The following MAN2A1 variants were observed in gnomAD, a reference collection of about 807,000 sequenced individuals.
The protein encoded by MAN2A1 is alpha-mannosidase 2.
MAN2A1 carries 76 observed loss-of-function variants against 142.6 expected under a neutral mutation model. The observed-to-expected ratio is 0.53, with a 90% CI of 0.44 to 0.65. MAN2A1 has a LOEUF of 0.65. Among genes scored for constraint, MAN2A1 ranks in the 30% least tolerant of loss-of-function variants. The pLI, the probability that MAN2A1 is intolerant of heterozygous loss-of-function variation, is 0.00. For synonymous variants in MAN2A1, 559 were observed against 473.2 expected, an observed-to-expected ratio of 1.18 and a Z score of -2.35; for missense variants, 1,311 against 1,365.1, an observed-to-expected ratio of 0.96 and a Z score of 0.62.
intron 4 of MAN2A1, among the ~76,000 whole-genome samples, chr5:109,736,527 G>GT (rs971107086): frequency 7.2e-5 from 11 of 151,778 alleles, no homozygotes; most frequent in African/African-American, 1.9e-4. Flanking sequence ...TAAAAAAAAA[G>GT]TTTTTTTTAG....
At chr5:109,798,184 C>T (rs1753913842) in intron 12 of MAN2A1, among the ~76,000 whole-genome samples, 1 of 152,176 alleles carries the variant, frequency 6.6e-6, no homozygotes, top group Non-Finnish European at 1.5e-5. Context: ...GGATCTGCAG[C>T]TTCAGGTTAT....
At chr5:109,720,753 C>A (rs1050171654) in intron 3 of MAN2A1, among the ~76,000 whole-genome samples, 4 of 152,306 alleles carry the variant, frequency 2.6e-5, no homozygotes, top group African/African-American at 7.2e-5. Context: ...TCAAAGCCGT[C>A]CTGGGCCACA....
In MAN2A1 at chr5:109,855,970, A is replaced by G. The variant is rs188166283; in HGVS notation, c.3171+636A>G. Among the ~76,000 whole-genome samples, 6 of 152,316 alleles carry G rather than the reference A, an allele frequency of 3.9e-5. No homozygotes were observed. In the East Asian group the frequency reaches 1.2e-3, roughly 29 times the overall value. On this transcript the variant is annotated intron_variant, in intron 20 of 21. Coordinates refer to ENST00000261483, the MANE Select transcript of MAN2A1 (RefSeq NM_002372.4). ...TGACATAGATTTAGCTGGAAATAGT[A>G]AGTGGTTATGGATTCTGTGGAAAAT...
chr5:109,707,119 C>T (rs1466561254), intron 1 of MAN2A1, among the ~76,000 whole-genome samples: 1 of 152,190 alleles, frequency 6.6e-6, no homozygotes, highest in African/African-American at 2.4e-5. Context: ...ATATTGTATT[C>T]TATTCACCAG....
At chr5:109,729,534 G>T (rs768355943) in intron 4 of MAN2A1, 21 bp downstream of exon 4, 4 of 1,368,720 alleles carry the variant, frequency 2.9e-6, no homozygotes. Context: ...AAACTTTTTT[G>T]GAATTTGGTA....
chr5:109,699,244 A>G (rs564644318), intron 1 of MAN2A1, among the ~76,000 whole-genome samples: 3 of 152,202 alleles, frequency 2.0e-5, no homozygotes, highest in Admixed American at 2.0e-4. Flanking sequence ...TCCCTCAGCC[A>G]TCAGTTTTTT....
At chr5:109,794,998 G>A (rs143407570) in intron 12 of MAN2A1, among the ~76,000 whole-genome samples, 1 of 152,030 alleles carries the variant, frequency 6.6e-6, no homozygotes, top group South Asian at 2.1e-4. Context: ...AGACTGAATG[G>A]AATATGTTAT....
At chr5:109,775,983 T>C (rs1002567944) in intron 8 of MAN2A1, among the ~76,000 whole-genome samples, 133 of 152,148 alleles carry the variant, frequency 8.7e-4, no homozygotes, top group African/African-American at 3.1e-3. Context: ...GCGGAGAATG[T>C]ATAATGATCA....
intron 13 of MAN2A1, among the ~76,000 whole-genome samples, chr5:109,819,108 C>T (rs954751208): frequency 1.3e-5 from 2 of 152,086 alleles, no homozygotes; most frequent in Non-Finnish European, 1.5e-5. Flanking sequence ...TTCTATTTTT[C>T]GCTTTCAGTA....
intron 5 of MAN2A1, 110 bp from the exon 6 acceptor site, chr5:109,767,425 T>C: frequency 1.2e-6 from 1 of 818,580 alleles, no homozygotes; most frequent in Non-Finnish European, 1.9e-6. Context: ...AGATCCTTGG[T>C]CTGATATCTC....
chr5:109,731,434 A>G (rs745404014), intron 4 of MAN2A1, among the ~76,000 whole-genome samples: 1 of 151,422 alleles, frequency 6.6e-6, no homozygotes, highest in South Asian at 2.1e-4. Context: ...ATATGTATAC[A>G]TGTGCTATGC....
At chr5:109,752,654 T>C (rs1477334639) in intron 4 of MAN2A1, among the ~76,000 whole-genome samples, 2 of 152,150 alleles carry the variant, frequency 1.3e-5, no homozygotes, top group East Asian at 1.9e-4. Flanking sequence ...ATCTCTGAGC[T>C]GAGCTATGAG....
intron 16 of MAN2A1, among the ~76,000 whole-genome samples, chr5:109,841,655 T>C (rs1250855570): frequency 6.6e-6 from 1 of 152,180 alleles, no homozygotes; most frequent in African/African-American, 2.4e-5. Flanking sequence ...TTAGGGACTT[T>C]TTAAAGCTGT....
chr5:109,794,560 C>G (rs1432088399), intron 12 of MAN2A1, among the ~76,000 whole-genome samples: 1 of 152,094 alleles, frequency 6.6e-6, no homozygotes, highest in Non-Finnish European at 1.5e-5. Flanking sequence ...CCTGGACCCT[C>G]TCCAGCTTCT....
At chr5:109,852,253 A>C (rs1755502753) in intron 19 of MAN2A1, among the ~76,000 whole-genome samples, 1 of 151,766 alleles carries the variant, frequency 6.6e-6, no homozygotes, top group African/African-American at 2.4e-5. Context: ...GTTATGATTC[A>C]ATGTATTATT....
intron 4 of MAN2A1, among the ~76,000 whole-genome samples, chr5:109,730,774 C>A (rs1319744791): frequency 6.6e-6 from 1 of 152,150 alleles, no homozygotes; most frequent in Non-Finnish European, 1.5e-5. Flanking sequence ...TTGTTTTACA[C>A]ATAAGGACAC....
At chr5:109,790,786 G>A (rs1017371684) in intron 12 of MAN2A1, among the ~76,000 whole-genome samples, 3 of 151,886 alleles carry the variant, frequency 2.0e-5, no homozygotes, top group Non-Finnish European at 2.9e-5. Context: ...CTTTGTTTTT[G>A]CTGGTTATAA....
intron 4 of MAN2A1, among the ~76,000 whole-genome samples, chr5:109,748,167 G>T (rs1349819814): frequency 6.6e-6 from 1 of 152,154 alleles, no homozygotes; most frequent in Non-Finnish European, 1.5e-5. Context: ...GAGCATGGAT[G>T]AAAGTACATA....
intron 1 of MAN2A1, among the ~76,000 whole-genome samples, chr5:109,702,740 T>G (rs1751025538): frequency 6.6e-6 from 1 of 152,222 alleles, no homozygotes; most frequent in East Asian, 1.9e-4. Context: ...TAACTCATCT[T>G]TGATAACCAA....
Sources: allele counts gnomAD v4.1 joint callset (sites outside exome capture counted in the v4.1 genomes callset), GRCh38; gene constraint gnomAD v4.1.1; transcripts MANE v1.5; gene names NCBI Gene and HGNC (gene_info 2026-07-23, HGNC 2026-07-21).